Variants in ABTB2 observed in about 807,000 individuals in gnomAD.
The protein encoded by ABTB2 is ankyrin repeat and BTB domain containing 2, also known as ankyrin repeat and BTB/POZ domain-containing protein 2.
In ABTB2, 56 loss-of-function variants were observed where a neutral mutation model predicts 104.1. The observed-to-expected ratio is 0.54, with a 90% CI of 0.43 to 0.67. The LOEUF is 0.67. Among genes scored for constraint, ABTB2 ranks in the 30% least tolerant of loss-of-function variants. The pLI, the probability that ABTB2 is intolerant of heterozygous loss-of-function variation, is 0.00. For missense variants in ABTB2, 1,279 were observed against 1,407.7 expected, an observed-to-expected ratio of 0.91 and a Z score of 1.46; for synonymous variants, 606 against 608.2, an observed-to-expected ratio of 1.00 and a Z score of 0.05.
At chr11:34,326,781 CAGTT>C (rs2133114485) in intron 1 of ABTB2, among the ~76,000 whole-genome samples, 1 of 152,148 alleles carries the variant, frequency 6.6e-6, no homozygotes, top group East Asian at 1.9e-4. Context: ...CTAAACATAT[CAGTT>C]AGGGCTGGGT....
intron 1 of ABTB2, among the ~76,000 whole-genome samples, chr11:34,273,314 T>C (rs149600137): frequency 7.8e-4 from 119 of 152,254 alleles, no homozygotes; most frequent in South Asian, 5.2e-3. Context: ...AATAAACCCA[T>C]GTTACAATTT....
intron 1 of ABTB2, among the ~76,000 whole-genome samples, chr11:34,313,610 T>C (rs760346997): frequency 1.1e-4 from 17 of 152,174 alleles, no homozygotes; most frequent in Non-Finnish European, 2.4e-4. Context: ...CCCTGAGAGA[T>C]GGAGTTGTTA....
At chr11:34,208,402 T>C (rs1302692539) in intron 1 of ABTB2, among the ~76,000 whole-genome samples, 2 of 152,152 alleles carry the variant, frequency 1.3e-5, no homozygotes, top group Non-Finnish European at 2.9e-5. Context: ...TTTGGGACCA[T>C]GTAAAAGCCA....
intron 1 of ABTB2, among the ~76,000 whole-genome samples, chr11:34,244,015 C>T (rs555037376): frequency 6.6e-6 from 1 of 152,320 alleles, no homozygotes; most frequent in Admixed American, 6.5e-5. Context: ...AAACAGCCCC[C>T]CGCTGAAATT....
intron 1 of ABTB2, among the ~76,000 whole-genome samples, chr11:34,349,199 C>T (rs1361585039): frequency 1.3e-5 from 2 of 152,158 alleles, no homozygotes; most frequent in Non-Finnish European, 2.9e-5. Flanking sequence ...GAGGATTTGG[C>T]GGCTGCCACA....
intron 1 of ABTB2, among the ~76,000 whole-genome samples, chr11:34,317,505 T>C (rs73497392): frequency 0.035 from 5,316 of 152,164 alleles, 290 homozygotes; most frequent in African/African-American, 0.12. Flanking sequence ...AGGCATGGTG[T>C]CTTACACCTA....
At chr11:34,333,937 G>A (rs1315556310) in intron 1 of ABTB2, among the ~76,000 whole-genome samples, 1 of 151,530 alleles carries the variant, frequency 6.6e-6, no homozygotes, top group Non-Finnish European at 1.5e-5. Context: ...CCCAGATGCT[G>A]GGATCTGCAA....
At chr11:34,171,805 A>C (rs1350353489) in intron 4 of ABTB2, among the ~76,000 whole-genome samples, 1 of 152,176 alleles carries the variant, frequency 6.6e-6, no homozygotes, top group Non-Finnish European at 1.5e-5. Context: ...TTAGCTCTAC[A>C]TTCTCTCTCT....
At chr11:34,313,599 G>A (rs1159555161) in intron 1 of ABTB2, among the ~76,000 whole-genome samples, 1 of 152,176 alleles carries the variant, frequency 6.6e-6, no homozygotes, top group East Asian at 1.9e-4. Context: ...TATCTCAAAC[G>A]CCCTGAGAGA....
intron 3 of ABTB2, among the ~76,000 whole-genome samples, chr11:34,190,037 T>C (rs2957494): frequency 0.97 from 148,360 of 152,282 alleles, 72,389 homozygotes; most frequent in East Asian, 1. Flanking sequence ...GACAGGAGTT[T>C]GAGACCAGCC....
chr11:34,245,942 T>A (rs970064222), intron 1 of ABTB2, among the ~76,000 whole-genome samples: 1 of 152,200 alleles, frequency 6.6e-6, no homozygotes, highest in Non-Finnish European at 1.5e-5. Flanking sequence ...CGGAAACACA[T>A]GGGCCCCAGC....
rs1316429896 is a variant in ABTB2 at position 34,159,999 on chromosome 11, A to G, written c.2513T>C (p.Phe838Ser). 1 of 1,613,232 alleles carries G rather than the reference A, an allele frequency of 6.2e-7. No individual in the cohort carries two copies. The highest frequency in any genetic ancestry group is 1.1e-5 in the South Asian group (1 of 91,036). Residue 838 changes from phenylalanine to serine, a missense_variant, in exon 13 of 17, where the codon TTT becomes TCT. Coordinates refer to ENST00000435224, the MANE Select transcript of ABTB2 (RefSeq NM_145804.3). ...KTLPARLDPH[F>S]LNNKEMSDVT... ...ATCTGACATCTCCTTATTGTTCAAA[A>G]AGTGTGGATCTGTGAAAAGCGGGGA...
At chr11:34,226,071 G>A (rs1213480461) in intron 1 of ABTB2, among the ~76,000 whole-genome samples, 6 of 151,638 alleles carry the variant, frequency 4.0e-5, no homozygotes, top group East Asian at 3.9e-4. Context: ...CGAGTGTTGC[G>A]TGCGCCTGTA....
At chr11:34,316,017 A>G (rs2611140) in intron 1 of ABTB2, among the ~76,000 whole-genome samples, 96,243 of 152,222 alleles carry the variant, frequency 0.63, 31,959 homozygotes, top group African/African-American at 0.83. Context: ...AAGAAAAAAT[A>G]TGTTGCTTTG....
At chr11:34,255,219 G>C (rs1854106407) in intron 1 of ABTB2, among the ~76,000 whole-genome samples, 1 of 152,140 alleles carries the variant, frequency 6.6e-6, no homozygotes, top group Non-Finnish European at 1.5e-5. Context: ...TCCATTGTGT[G>C]ATCTTCTCCT....
At chr11:34,249,164 T>A (rs1854023568) in intron 1 of ABTB2, among the ~76,000 whole-genome samples, 1 of 152,106 alleles carries the variant, frequency 6.6e-6, no homozygotes, top group South Asian at 2.1e-4. Context: ...ACTCGCAACA[T>A]GAATTTGCAA....
At chr11:34,276,671 T>C (rs1854385457) in intron 1 of ABTB2, among the ~76,000 whole-genome samples, 1 of 152,224 alleles carries the variant, frequency 6.6e-6, no homozygotes, top group African/African-American at 2.4e-5. Flanking sequence ...TGCCAGGACG[T>C]CAAATCAAAT....
In ABTB2 at chr11:34,246,853, T is replaced by C. The variant is rs965889592; in HGVS notation, c.884-42163A>G. Among the ~76,000 whole-genome samples the C allele has an allele frequency of 5.1e-4, 76 of 148,218 alleles. No homozygotes were observed. In the East Asian group the frequency reaches 0.01, roughly 20 times the overall value. On this transcript the variant is annotated intron_variant, in intron 1 of 16. Transcript: ENST00000435224. ...TTTTCTTTTTTTCTTTTTTCTTTTT[T>C]TTTTTTTTTTTGAGACAGAGTTTAA...
chr11:34,314,535 G>A (rs760257313), intron 1 of ABTB2, among the ~76,000 whole-genome samples: 5 of 152,362 alleles, frequency 3.3e-5, no homozygotes, highest in Middle Eastern at 3.4e-3. Context: ...AGGTGCCACA[G>A]GGGCATGATC....
Sources: allele counts gnomAD v4.1 joint callset (sites outside exome capture counted in the v4.1 genomes callset), GRCh38; gene constraint gnomAD v4.1.1; transcripts MANE v1.5; gene names NCBI Gene and HGNC (gene_info 2026-07-23, HGNC 2026-07-21).